The following VPS50 variants were observed in gnomAD, a reference collection of about 807,000 sequenced individuals.
VPS50 encodes the protein syndetin.
Under a neutral mutation model 139.7 loss-of-function variants are expected in VPS50, and 70 were observed. The ratio of observed to expected loss-of-function variants is 0.50; its 90% CI spans 0.41 to 0.61. The LOEUF (loss-of-function observed/expected upper bound fraction) is 0.61, where lower values mean the gene tolerates loss of function less well. VPS50 is among the 20% of genes least tolerant of loss of function. VPS50 has a pLI of 0.00. For synonymous variants in VPS50, 365 were observed against 376.7 expected, an observed-to-expected ratio of 0.97 and a Z score of 0.36; for missense variants, 921 against 1,133.7, an observed-to-expected ratio of 0.81 and a Z score of 2.69.
At chr7:93,312,280 A>G (rs1797291294) in intron 20 of VPS50, among the ~76,000 whole-genome samples, 1 of 152,194 alleles carries the variant, frequency 6.6e-6, no homozygotes, top group African/African-American at 2.4e-5. Context: ...TCTTCTTCCA[A>G]GAGAACTGAC....
chr7:93,232,472 A>G lies in VPS50; in HGVS notation c.5A>G (p.Gln2Arg), dbSNP rs1794660512. The G allele has an allele frequency of 6.2e-7, 1 of 1,613,124 alleles. No individual in the cohort carries two copies. The highest frequency in any genetic ancestry group is 8.5e-7 in the Non-Finnish European group (1 of 1,179,370). ...TACCCTCCTCAGGATTTCGATATGC[A>G]AAAAATCAAATCTCTCATGACCCGA... M[Q>R]KIKSLMTRQG... Residue 2 changes from glutamine to arginine, a missense_variant, in exon 1 of 28, where the codon CAA becomes CGA. Transcript: ENST00000305866.
At chr7:93,289,383 C>T (rs1454147875) in intron 12 of VPS50, among the ~76,000 whole-genome samples, 3 of 151,794 alleles carry the variant, frequency 2.0e-5, no homozygotes, top group Admixed American at 6.6e-5. Context: ...TTTTTTTCCC[C>T]AAACTTTTAA....
intron 19 of VPS50, among the ~76,000 whole-genome samples, chr7:93,309,475 C>G (rs1797204932): frequency 6.6e-6 from 1 of 151,744 alleles, no homozygotes; most frequent in Admixed American, 6.6e-5. Context: ...GAGGAAAAAG[C>G]CTTTAGATTT....
chr7:93,327,363 G>T (rs1389020974), intron 21 of VPS50, among the ~76,000 whole-genome samples: 1 of 151,600 alleles, frequency 6.6e-6, no homozygotes, highest in Non-Finnish European at 1.5e-5. Flanking sequence ...TTATTGATAA[G>T]ATGTGTTAAA....
In VPS50 at chr7:93,252,665, G is replaced by A; in HGVS notation, c.115G>A (p.Glu39Lys). The A allele has an allele frequency of 6.3e-7, 1 of 1,598,354 alleles. No homozygotes were observed. The highest frequency in any genetic ancestry group is 8.5e-7 in the Non-Finnish European group (1 of 1,170,846). Residue 39 changes from glutamate to lysine, a missense_variant, in exon 3 of 28, where the codon GAA (glutamate) becomes AAA (lysine). By Grantham distance (56) the Glu-to-Lys change is moderately conservative. Transcript: ENST00000305866. ...TTTTTTCTTAAAGGAAGAATTCAGG[G>A]AACTTCGAGAACAGCCAAGTGACCC... ...LRVPGKEEFR[E>K]LREQPSDPQA...
chr7:93,328,793 G>A (rs1370993938), intron 21 of VPS50, among the ~76,000 whole-genome samples: 1 of 152,156 alleles, frequency 6.6e-6, no homozygotes. Context: ...ACTGAAAATA[G>A]TGGAGGACGC....
At chr7:93,293,786 G>A (rs2116942818) in intron 13 of VPS50, among the ~76,000 whole-genome samples, 2 of 152,276 alleles carry the variant, frequency 1.3e-5, no homozygotes, top group East Asian at 3.9e-4. Flanking sequence ...TACCATGGGT[G>A]TAATAATAAG....
chr7:93,345,823 T>C (rs988447590), intron 23 of VPS50, among the ~76,000 whole-genome samples: 1 of 152,190 alleles, frequency 6.6e-6, no homozygotes, highest in Non-Finnish European at 1.5e-5. Context: ...TGATGGGATG[T>C]ATCGCAAAAT....
chr7:93,284,899 A>T (rs1338910015), intron 12 of VPS50, among the ~76,000 whole-genome samples: 2 of 152,198 alleles, frequency 1.3e-5, no homozygotes, highest in African/African-American at 4.8e-5. Context: ...ACTTCTTAAG[A>T]TAATCATATT....
At position 93,341,172 on chromosome 7, in the gene VPS50, T is replaced by C. The variant is rs545803568; in HGVS notation, c.2059-255T>C. Among the ~76,000 whole-genome samples the C allele has an allele frequency of 7.3e-5, 11 of 150,404 alleles. No individual in the cohort carries two copies. In the South Asian group the frequency reaches 1.3e-3, roughly 17 times the overall value. Reference sequence around the variant, plus strand: ...TCTGTCAATTCATAAAGAGTCCTTGTGTTGACAGACTTTAGGTCATGTACA... The same window carrying C: ...TCTGTCAATTCATAAAGAGTCCTTGCGTTGACAGACTTTAGGTCATGTACA... On this transcript the variant is annotated intron_variant, in intron 22 of 27. Coordinates refer to ENST00000305866, the MANE Select transcript of VPS50 (RefSeq NM_017667.4).
intron 2 of VPS50, among the ~76,000 whole-genome samples, chr7:93,240,237 ACACACACACACACTCTCTCT>A (rs1794941540): frequency 6.8e-6 from 1 of 146,190 alleles, no homozygotes. Context: ...ACACACACAC[ACACACACACACACTCTCTCT>A]CTCTCTCTCT....
chr7:93,248,851 T>C (rs1795232005), intron 2 of VPS50, among the ~76,000 whole-genome samples: 1 of 152,124 alleles, frequency 6.6e-6, no homozygotes, highest in Non-Finnish European at 1.5e-5. Context: ...TGATCGGGAT[T>C]CTAATCAGAA....
At chr7:93,263,090 C>T (rs1246824192) in intron 9 of VPS50, among the ~76,000 whole-genome samples, 3 of 150,830 alleles carry the variant, frequency 2.0e-5, no homozygotes, top group Admixed American at 6.6e-5. Context: ...CTCTGGTCTT[C>T]CCAGTACAGT....
chr7:93,302,656 G>A (rs920046985), intron 16 of VPS50, among the ~76,000 whole-genome samples: 5 of 151,198 alleles, frequency 3.3e-5, no homozygotes, highest in South Asian at 2.1e-4. Flanking sequence ...TGATTTTTAC[G>A]GATTCATGTA....
chr7:93,317,963 G>A (rs1797477278), intron 20 of VPS50, among the ~76,000 whole-genome samples: 1 of 151,830 alleles, frequency 6.6e-6, no homozygotes, highest in Admixed American at 6.6e-5. Context: ...TTATGATTAA[G>A]TTATCGTTTA....
intron 1 of VPS50, among the ~76,000 whole-genome samples, chr7:93,234,391 T>C (rs866553329): frequency 5.3e-5 from 8 of 152,176 alleles, no homozygotes; most frequent in Middle Eastern, 3.2e-3. Flanking sequence ...CTGTGTTTAA[T>C]TGAAATGGAA....
At chr7:93,291,491 A>G (rs565677237) in intron 12 of VPS50, among the ~76,000 whole-genome samples, 118 of 152,152 alleles carry the variant, frequency 7.8e-4, no homozygotes, top group African/African-American at 2.6e-3. Context: ...ATATGGGCTG[A>G]TATTCTTAAT....
intron 2 of VPS50, among the ~76,000 whole-genome samples, chr7:93,242,688 A>T (rs1232457701): frequency 6.6e-6 from 1 of 151,954 alleles, no homozygotes; most frequent in Non-Finnish European, 1.5e-5. Flanking sequence ...TACAACTTTT[A>T]AAAAACATAT....
intron 21 of VPS50, among the ~76,000 whole-genome samples, chr7:93,329,722 G>T (rs1416474649): frequency 1.3e-5 from 2 of 152,040 alleles, no homozygotes; most frequent in Non-Finnish European, 2.9e-5. Context: ...AAAGCTATGG[G>T]GATGAGAAGA....
Sources: gnomAD v4.1 joint callset for allele counts (sites outside exome capture counted in the v4.1 genomes callset) on GRCh38, gnomAD v4.1.1 for gene constraint, MANE v1.5 for transcripts, NCBI Gene and HGNC (gene_info 2026-07-23, HGNC 2026-07-21) for gene names.